GALNT13: variants seen among roughly 807,000 people sequenced by gnomAD.
GALNT13 encodes the protein polypeptide N-acetylgalactosaminyltransferase 13.
A neutral mutation model predicts 64.2 loss-of-function variants in GALNT13; 28 were observed. That is an observed-to-expected ratio of 0.44 (90% CI 0.32 to 0.60). The LOEUF is 0.60. Ranked by LOEUF, GALNT13 falls within the 20% of genes least tolerant of loss-of-function variation. GALNT13 has a pLI of 0.05. For synonymous variants in GALNT13, 214 were observed against 224.6 expected (o/e 0.95, Z 0.42); for missense variants, 577 against 669.8 (o/e 0.86, Z 1.53).
At chr2:153,599,889 A>G in the GALNT13 span, among the ~76,000 whole-genome samples, 1 of 151,986 alleles carries the variant, frequency 6.6e-6, no homozygotes, top group Non-Finnish European at 1.5e-5. Context: ...CTCAGAGCTG[A>G]CACTAAACCA....
At chr2:153,534,295 A>G in the GALNT13 span, among the ~76,000 whole-genome samples, 4 of 152,080 alleles carry the variant, frequency 2.6e-5, no homozygotes, top group African/African-American at 9.7e-5. Context: ...GGCCATTAAT[A>G]ATTTGGTAGG....
chr2:153,174,161 C>A, the GALNT13 span, among the ~76,000 whole-genome samples: 1 of 152,294 alleles, frequency 6.6e-6, no homozygotes, highest in East Asian at 1.9e-4. Flanking sequence ...TGGGCCTGTA[C>A]CCTCCGAGTC....
At chr2:153,723,723 A>G in the GALNT13 span, among the ~76,000 whole-genome samples, 1 of 152,066 alleles carries the variant, frequency 6.6e-6, no homozygotes, top group East Asian at 1.9e-4. Flanking sequence ...AAGGGAATAA[A>G]ATACCTAGGA....
chr2:154,132,049 C>T (rs12618204), intron 3 of GALNT13, among the ~76,000 whole-genome samples: 7,424 of 152,262 alleles, frequency 0.049, 239 homozygotes, highest in South Asian at 0.11. Flanking sequence ...TACCTAACCA[C>T]GCTGGCAGCT....
At chr2:153,265,036 A>G in the GALNT13 span, among the ~76,000 whole-genome samples, 126,526 of 152,226 alleles carry the variant, frequency 0.83, 53,835 homozygotes, top group African/African-American at 0.93. Flanking sequence ...GGCTGAGCTG[A>G]TATCCAAGTT....
At chr2:153,372,920 A>G in the GALNT13 span, among the ~76,000 whole-genome samples, 38 of 152,236 alleles carry the variant, frequency 2.5e-4, no homozygotes, top group Admixed American at 2.4e-3. Flanking sequence ...TAAAATATTT[A>G]TGGACATCGT....
intron 9 of GALNT13, among the ~76,000 whole-genome samples, chr2:154,382,316 G>A (rs990714675): frequency 3.3e-5 from 5 of 152,006 alleles, no homozygotes; most frequent in Admixed American, 6.6e-5. Context: ...GAATATTTTA[G>A]CATCACAATA....
At chr2:153,966,980 C>G (rs578248583) in intron 3 of GALNT13, among the ~76,000 whole-genome samples, 4 of 152,042 alleles carry the variant, frequency 2.6e-5, no homozygotes, top group African/African-American at 9.6e-5. Context: ...TTTACTAATT[C>G]TTTGTTCTGC....
At chr2:153,479,160 G>T in the GALNT13 span, among the ~76,000 whole-genome samples, 1 of 152,174 alleles carries the variant, frequency 6.6e-6, no homozygotes, top group African/African-American at 2.4e-5. Context: ...CTGCCCCCCT[G>T]ACCTCTGGGC....
At chr2:154,107,493 G>A (rs1702686355) in intron 3 of GALNT13, among the ~76,000 whole-genome samples, 2 of 151,298 alleles carry the variant, frequency 1.3e-5, no homozygotes, top group Non-Finnish European at 2.9e-5. Context: ...GGGAGGCTGA[G>A]GCAAGAGAAT....
the GALNT13 span, among the ~76,000 whole-genome samples, chr2:153,799,259 A>G: frequency 6.6e-6 from 1 of 152,144 alleles, no homozygotes; most frequent in Non-Finnish European, 1.5e-5. Context: ...AATGTAAAAC[A>G]TTCATCTTGC....
At chr2:153,204,426 T>C in the GALNT13 span, among the ~76,000 whole-genome samples, 1 of 152,220 alleles carries the variant, frequency 6.6e-6, no homozygotes, top group South Asian at 2.1e-4. Context: ...ATGGCGCATT[T>C]GGGAACTCAT....
the GALNT13 span, among the ~76,000 whole-genome samples, chr2:153,442,181 C>T: frequency 2.0e-5 from 3 of 152,142 alleles, no homozygotes; most frequent in South Asian, 2.1e-4. Flanking sequence ...TATTGAAGGC[C>T]TTTTCTGCAT....
the GALNT13 span, among the ~76,000 whole-genome samples, chr2:153,514,348 T>G: frequency 5.3e-5 from 8 of 152,210 alleles, no homozygotes; most frequent in East Asian, 3.9e-4. Flanking sequence ...TCTTCCTGCT[T>G]CATTTTGCTC....
chr2:153,801,404 C>T, the GALNT13 span, among the ~76,000 whole-genome samples: 1 of 151,618 alleles, frequency 6.6e-6, no homozygotes. Flanking sequence ...CTTCCTTTCA[C>T]TCGAACACTA....
chr2:153,745,258 A>T, the GALNT13 span, among the ~76,000 whole-genome samples: 1 of 152,178 alleles, frequency 6.6e-6, no homozygotes, highest in Non-Finnish European at 1.5e-5. Context: ...GGTTATAAAA[A>T]CAGGTTATGT....
chr2:153,907,033 A>G (rs1688613269), intron 2 of GALNT13, among the ~76,000 whole-genome samples: 1 of 152,120 alleles, frequency 6.6e-6, no homozygotes, highest in African/African-American at 2.4e-5. Flanking sequence ...TTTTGGCTGC[A>G]TAAATGTCTT....
chr2:154,201,455 A>G (rs1261096616), intron 4 of GALNT13, among the ~76,000 whole-genome samples: 1 of 152,106 alleles, frequency 6.6e-6, no homozygotes, highest in African/African-American at 2.4e-5. Flanking sequence ...CCTATTAGCA[A>G]TCATGGCAAG....
At chr2:153,593,598 A>G in the GALNT13 span, among the ~76,000 whole-genome samples, 9 of 152,312 alleles carry the variant, frequency 5.9e-5, no homozygotes, top group East Asian at 1.5e-3. Flanking sequence ...TTCATTTGCC[A>G]TCTTTGTAAA....
Sources: allele counts gnomAD v4.1 joint callset (sites outside exome capture counted in the v4.1 genomes callset), GRCh38; gene constraint gnomAD v4.1.1; transcripts MANE v1.5; gene names NCBI Gene and HGNC (gene_info 2026-07-23, HGNC 2026-07-21).